Variants in OAS2 observed in about 807,000 individuals in gnomAD.
OAS2 encodes the protein 2'-5'-oligoadenylate synthase 2.
A neutral mutation model predicts 71.3 loss-of-function variants in OAS2; 67 were observed. That is an observed-to-expected ratio of 0.94 (90% CI 0.77 to 1.15). The LOEUF (loss-of-function observed/expected upper bound fraction) is 1.15. Among genes scored for constraint, OAS2 ranks in the 50% most tolerant of loss-of-function variants. The pLI is 0.00. For synonymous variants in OAS2, 327 were observed against 321.8 expected, an observed-to-expected ratio of 1.02 and a Z score of -0.17; for missense variants, 789 against 822.5, an observed-to-expected ratio of 0.96 and a Z score of 0.50.
Position 113,009,200 on chromosome 12 carries a change from A to G in OAS2, c.2009A>G (p.Lys670Arg). 1 of 1,614,198 alleles carries G rather than the reference A, an allele frequency of 6.2e-7. No individual in the cohort carries two copies. The highest frequency in any genetic ancestry group is 1.1e-5 in the South Asian group (1 of 91,086). Residue 670 changes from lysine to arginine, a missense_variant, in exon 10 of 10, where the codon AAG (lysine) becomes AGG (arginine). Coordinates refer to ENST00000392583, the MANE Select transcript of OAS2 (RefSeq NM_002535.3). Reference sequence around the variant, plus strand: ...GAATGGTTATCCTCTCCCTGCTTCAAGGATGGGACTGGAAACCCAATACCA... The same window carrying G: ...GAATGGTTATCCTCTCCCTGCTTCAGGGATGGGACTGGAAACCCAATACCA... ...AKEWLSSPCF[K>R]DGTGNPIPPW... is the part of the protein sequence containing the mutation.
intron 7 of OAS2, among the ~76,000 whole-genome samples, chr12:113,006,066 A>G (rs1266923540): frequency 6.6e-6 from 1 of 152,136 alleles, no homozygotes; most frequent in Non-Finnish European, 1.5e-5. Flanking sequence ...GGGTTCTACA[A>G]CTACTGAGAG....
At chr12:113,001,541 T>C (rs1486072220) in intron 5 of OAS2, among the ~76,000 whole-genome samples, 1 of 149,996 alleles carries the variant, frequency 6.7e-6, no homozygotes, top group Non-Finnish European at 1.5e-5. Flanking sequence ...TATATACATA[T>C]ATATGCTTCC....
intron 7 of OAS2, 142 bp from the exon 8 acceptor site, chr12:113,006,271 T>A (rs1410149090): frequency 1.6e-6 from 1 of 609,328 alleles, no homozygotes; most frequent in Non-Finnish European, 2.6e-6. Context: ...ATGCTCCCTG[T>A]GTCTTAGACA....
chr12:112,993,613 C>G (rs7134954), intron 2 of OAS2, among the ~76,000 whole-genome samples: 1,709 of 151,156 alleles, frequency 0.011, 35 homozygotes, highest in East Asian at 0.068. Flanking sequence ...AGGGAGCTGG[C>G]TCACGTCTGT....
chr12:113,001,389 C>T (rs202231578), intron 5 of OAS2, among the ~76,000 whole-genome samples: 18 of 148,124 alleles, frequency 1.2e-4, no homozygotes, highest in African/African-American at 4.2e-4. Flanking sequence ...CACATATACA[C>T]ATATATATAC....
intron 5 of OAS2, among the ~76,000 whole-genome samples, chr12:113,002,081 G>A (rs1263729363): frequency 6.6e-6 from 1 of 152,046 alleles, no homozygotes; most frequent in African/African-American, 2.4e-5. Flanking sequence ...TACCTGTTGG[G>A]TTCTATGCTC....
chr12:112,997,850 A>T (rs1036104163), intron 4 of OAS2, 95 bp downstream of exon 4: 1 of 1,043,278 alleles, frequency 9.6e-7, no homozygotes, highest in Non-Finnish European at 1.4e-6. Flanking sequence ...CTATCAAGCC[A>T]GTGCTGGACC....
At chr12:112,995,501 T>C in intron 3 of OAS2, 27 bp downstream of exon 3, 1 of 1,577,196 alleles carries the variant, frequency 6.3e-7, no homozygotes, top group Non-Finnish European at 8.7e-7. Flanking sequence ...CTATATATGG[T>C]TATCATTCAT....
At position 113,010,181 on chromosome 12, in the gene OAS2, G is replaced by A; in HGVS notation, c.*926G>A. Reference sequence around the variant, plus strand: ...ACCCCAACCCTGGGGGGAATGTAGGGAAGAGGTGGCCAAGCCAACCGTGGG... The same window carrying A: ...ACCCCAACCCTGGGGGGAATGTAGGAAAGAGGTGGCCAAGCCAACCGTGGG... On this transcript the variant is annotated 3_prime_UTR_variant, in exon 10 of 10. Coordinates refer to ENST00000392583, the MANE Select transcript of OAS2 (RefSeq NM_002535.3). 1 of 1,344,390 alleles carries A rather than the reference G, an allele frequency of 7.4e-7. No individual in the cohort carries two copies. Among genetic ancestry groups the A allele is most frequent in the Non-Finnish European group, 9.5e-7 (1 of 1,049,362 alleles). The allele number at this position is 1,344,390 out of a possible 1,614,324, so 83.3% of individuals were successfully genotyped here. A position where few individuals can be genotyped will look rare whatever the true frequency, so the allele number is the denominator to read the frequency against.
Position 113,007,766 on chromosome 12 carries a change from C to T in OAS2, c.1718C>T (p.Thr573Ile). The T allele has an allele frequency of 6.2e-7, 1 of 1,614,160 alleles. No individual in the cohort carries two copies. The highest frequency in any genetic ancestry group is 8.5e-7 in the Non-Finnish European group (1 of 1,180,004). The change falls in exon 9 of 10, where the codon ACC becomes ATC. Residue 573 changes from threonine to isoleucine, a missense_variant. Thr to Ile is a moderately conservative substitution (Grantham distance 89, BLOSUM62 -1). Transcript: ENST00000392583. ...CCAAAGTATGCCTTGGAGCTGCTCA[C>T]CATCTATGCCTGGGAGCAGGGGAGT... ...LPPKYALELL[T>I]IYAWEQGSGV...
intron 1 of OAS2, among the ~76,000 whole-genome samples, chr12:112,979,764 G>A (rs1015146472): frequency 1.3e-5 from 2 of 152,004 alleles, no homozygotes; most frequent in African/African-American, 2.4e-5. Context: ...CTGGGCCCCC[G>A]ATCCAGTCAG....
chr12:113,003,262 G>C (rs1053096513), intron 6 of OAS2, among the ~76,000 whole-genome samples, 160 bp downstream of exon 6: 1 of 152,126 alleles, frequency 6.6e-6, no homozygotes, highest in African/African-American at 2.4e-5. Flanking sequence ...TAGTTTTCAG[G>C]GGGGTTGTGG....
chr12:112,981,732 T>C (rs970267923), intron 1 of OAS2, among the ~76,000 whole-genome samples: 2 of 152,220 alleles, frequency 1.3e-5, no homozygotes, highest in Non-Finnish European at 2.9e-5. Context: ...AGGATTGTTT[T>C]TTCTATTTCT....
chr12:113,006,696 C>A, intron 8 of OAS2, 96 bp downstream of exon 8: 2 of 1,097,126 alleles, frequency 1.8e-6, no homozygotes, highest in Non-Finnish European at 2.6e-6. Flanking sequence ...ATGCTGAGGG[C>A]TGAGCCACTT....
chr12:113,006,407 T>A lies in OAS2; in HGVS notation c.1469-6T>A. On this transcript the variant is annotated splice_region_variant and splice_polypyrimidine_tract_variant and intron_variant, in intron 7 of 9. Transcript: ENST00000392583. The stretch of plus-strand genomic sequence containing the variant: ...AAGCAGGATGTCAATCTCTCCCTCA[T>A]GCCAGGTCAGCTGAGTTCTGGCTCC... 1.3e-6 allele frequency: 2 copies of A among 1,544,788 alleles called. No homozygotes were observed. The highest frequency in any genetic ancestry group is 8.8e-7 in the Non-Finnish European group (1 of 1,132,442).
At position 112,982,670 on chromosome 12, in the gene OAS2, G is replaced by A. The variant is rs547490206; in HGVS notation, c.177+3885G>A. 6.6e-5 allele frequency among the ~76,000 whole-genome samples: 10 copies of A among 152,276 alleles called. No homozygotes were observed. In the South Asian group the frequency reaches 2.1e-3, roughly 32 times the overall value. ...TGTCTTTGGTCTAGTTTTGGTATCA[G>A]GGTAATGCTGACTTCATAGAAGTGG... On this transcript the variant is annotated intron_variant, in intron 1 of 9. Transcript: ENST00000392583.
intron 2 of OAS2, among the ~76,000 whole-genome samples, chr12:112,992,607 C>T (rs2044201977): frequency 1.3e-5 from 2 of 152,082 alleles, no homozygotes; most frequent in Admixed American, 1.3e-4. Context: ...ACAATTAGCC[C>T]AGGCATCACT....
intron 1 of OAS2, among the ~76,000 whole-genome samples, chr12:112,980,485 T>C (rs1398635836): frequency 6.6e-6 from 1 of 152,178 alleles, no homozygotes; most frequent in Non-Finnish European, 1.5e-5. Flanking sequence ...CATAAACACA[T>C]GCAATATTGT....
At chr12:113,005,918 C>CAAAAAA (rs138299398) in intron 7 of OAS2, among the ~76,000 whole-genome samples, 104 of 49,022 alleles carry the variant, frequency 2.1e-3, no homozygotes, top group Non-Finnish European at 2.9e-3. Context: ...ACAACAACAA[C>CAAAAAA]AAAAAAAAAA....
Sources: allele counts gnomAD v4.1 joint callset (sites outside exome capture counted in the v4.1 genomes callset), GRCh38; gene constraint gnomAD v4.1.1; transcripts MANE v1.5; gene names NCBI Gene and HGNC (gene_info 2026-07-23, HGNC 2026-07-21).